IL3RA: variants seen among roughly 807,000 people sequenced by gnomAD.
The protein encoded by IL3RA is interleukin-3 receptor subunit alpha.
A neutral mutation model predicts 52.3 loss-of-function variants in IL3RA; 73 were observed. The observed-to-expected ratio is 1.40, with a 90% CI of 1.16 to 1.70. The LOEUF (loss-of-function observed/expected upper bound fraction) is 1.70. Among genes scored for constraint, IL3RA ranks in the 40% most tolerant of loss-of-function variants. IL3RA has a pLI of 0.00. For synonymous variants in IL3RA, 260 were observed against 194.0 expected (o/e 1.34, Z -2.83); for missense variants, 664 against 504.4 (o/e 1.32, Z -3.03).
chrX:1,367,487 G>C (rs1385483655), intron 9 of IL3RA, among the ~76,000 whole-genome samples: 5 of 78,486 alleles, frequency 6.4e-5, no homozygotes, highest in Non-Finnish European at 9.5e-5. Context: ...GGGTGCGCGG[G>C]GTGAGCCGGG....
At chrX:1,338,407 TGG>T (rs1387404097) in intron 1 of IL3RA, among the ~76,000 whole-genome samples, 4 of 151,722 alleles carry the variant, frequency 2.6e-5, no homozygotes. Flanking sequence ...AGCCACACGG[TGG>T]AATATTACAC....
At position 1,381,057 on chromosome X, in the gene IL3RA, C is replaced by T. The variant is rs1427971576; in HGVS notation, c.1015C>T (p.Pro339Ser). Reference sequence around the variant, plus strand: ...GATGCAGAGACTCTTTCCCCGCATCCCTCACATGAAAGACCCCATCGGTGA... The same window carrying T: ...GATGCAGAGACTCTTTCCCCGCATCTCTCACATGAAAGACCCCATCGGTGA... ...LVMQRLFPRI[P>S]HMKDPIGDSF... is the part of the protein sequence containing the mutation. Residue 339 changes from proline (P) to serine (S), a missense_variant, in exon 11 of 12, where the codon CCT becomes TCT. Pro to Ser is a moderately conservative substitution (Grantham distance 74). Transcript: ENST00000331035. The T allele has an allele frequency of 2.5e-6, 4 of 1,613,756 alleles. No homozygotes were observed. The highest frequency in any genetic ancestry group is 1.3e-5 in the African/African-American group (1 of 74,912).
intron 3 of IL3RA, 117 bp downstream of exon 3, chrX:1,345,551 C>G: frequency 1.7e-6 from 1 of 588,204 alleles, no homozygotes; most frequent in Non-Finnish European, 2.6e-6. Flanking sequence ...CTGCGGTGAC[C>G]CGATCTCCGC....
At chrX:1,352,602 C>CTGCGTTGGG in intron 6 of IL3RA, 96 bp downstream of exon 6, 3 of 1,268,378 alleles carry the variant, frequency 2.4e-6, no homozygotes, top group Non-Finnish European at 3.3e-6. Context: ...GCTCCCAACG[C>CTGCGTTGGG]AGACGTTGGC....
At chrX:1,379,092 C>T (rs2088997807) in intron 10 of IL3RA, among the ~76,000 whole-genome samples, 1 of 152,172 alleles carries the variant, frequency 6.6e-6, no homozygotes, top group Non-Finnish European at 1.5e-5. Flanking sequence ...ATCCACCTGC[C>T]TCAGCCTCCT....
intron 8 of IL3RA, among the ~76,000 whole-genome samples, chrX:1,359,727 T>C (rs371106075): frequency 5.0e-4 from 74 of 148,916 alleles, no homozygotes; most frequent in South Asian, 1.7e-3. Flanking sequence ...TGTCTCTCTC[T>C]CCCCGTTCCC....
chrX:1,378,620 C>T lies in IL3RA; in HGVS notation c.875-39C>T, dbSNP rs200875651. The T allele has an allele frequency of 3.8e-3, 5,987 of 1,555,214 alleles. 52 individuals carry two copies. Among genetic ancestry groups the T allele is most frequent in the South Asian group, 0.019 (1,678 of 88,520 alleles). On this transcript the variant is annotated intron_variant, in intron 9 of 11. Transcript: ENST00000331035. ...CTTACAGTCCCTGGTCCCCCCAGGA[C>T]GGCCCCCGGTCTGTGACCCTCTCAC...
rs1479774334 is a variant in IL3RA at position 1,358,791 on chromosome X, TGAGTTTGGG to T, written c.733-69_733-61del. 3.2e-6 allele frequency: 5 copies of T among 1,574,824 alleles called. No individual in the cohort carries two copies. In the African/African-American group the frequency reaches 5.4e-5, roughly 17 times the overall value. On this transcript the variant is annotated intron_variant, in intron 7 of 11. Coordinates refer to ENST00000331035, the MANE Select transcript of IL3RA (RefSeq NM_002183.4). ...GCTGGTTTTCCTGGAGGGAGAAATT[TGAGTTTGGG>T]AGGAGGAGGCTTTCAGGGACGGTCC...
In IL3RA at chrX:1,348,644, C is replaced by CTTTCTTTCTTTCTT. The variant is rs1355205373; in HGVS notation, c.298+100_298+101insTTCTTTCTTTCTTT. ...GCTGTGTCTTTTTTCTTTTCTTTTTCTCTTTCTTTCTTTCTTTCTTTCTTT... is the reference window on the plus strand; with the variant it reads ...GCTGTGTCTTTTTTCTTTTCTTTTTCTTTCTTTCTTTCTTTCTTTCTTTCTTTCTTTCTTTCTTT... On this transcript the variant is annotated intron_variant, in intron 4 of 11. Transcript: ENST00000331035. The CTTTCTTTCTTTCTT allele has an allele frequency of 6.8e-5, 34 of 496,828 alleles. 1 individual carries two copies. Among genetic ancestry groups the CTTTCTTTCTTTCTT allele is most frequent in the Middle Eastern group, 4.3e-4 (1 of 2,314 alleles). The allele number at this position is 496,828 out of a possible 1,614,324, so 30.8% of individuals were successfully genotyped here.
intron 8 of IL3RA, among the ~76,000 whole-genome samples, chrX:1,364,091 G>C (rs1429089110): frequency 6.6e-6 from 1 of 152,108 alleles, no homozygotes; most frequent in South Asian, 2.1e-4. Context: ...GGGAGGCTGA[G>C]GCAGGAGAAT....
chrX:1,347,592 C>G (rs1432457183), intron 3 of IL3RA, among the ~76,000 whole-genome samples: 2 of 151,210 alleles, frequency 1.3e-5, no homozygotes, highest in Non-Finnish European at 2.9e-5. Context: ...GAAGTCTAGC[C>G]TGGGCAAGCG....
At chrX:1,368,600 T>C (rs758917948) in intron 9 of IL3RA, among the ~76,000 whole-genome samples, 5 of 152,060 alleles carry the variant, frequency 3.3e-5, no homozygotes, top group African/African-American at 4.8e-5. Flanking sequence ...AAAGAGGCGA[T>C]TAAGGTAAAA....
At chrX:1,363,600 C>T (rs1450500146) in intron 8 of IL3RA, among the ~76,000 whole-genome samples, 1 of 151,288 alleles carries the variant, frequency 6.6e-6, no homozygotes. Flanking sequence ...GCTATTTCAT[C>T]ATAAGGCCCC....
At chrX:1,378,488 C>A (rs1167829422) in intron 9 of IL3RA, among the ~76,000 whole-genome samples, 171 bp from the exon 10 acceptor site, 1 of 151,890 alleles carries the variant, frequency 6.6e-6, no homozygotes, top group Non-Finnish European at 1.5e-5. Context: ...TGCAGGTGGC[C>A]CGCAGGTGGT....
At chrX:1,347,955 T>G (rs1453323069) in intron 3 of IL3RA, among the ~76,000 whole-genome samples, 3 of 148,456 alleles carry the variant, frequency 2.0e-5, no homozygotes, top group African/African-American at 7.5e-5. Context: ...GAGAATGGCA[T>G]GAACCCGGGA....
chrX:1,361,854 G>T (rs1467190365), intron 8 of IL3RA, among the ~76,000 whole-genome samples: 1 of 149,374 alleles, frequency 6.7e-6, no homozygotes, highest in Non-Finnish European at 1.5e-5. Flanking sequence ...AGAACAGTGT[G>T]GGGGGAAACT....
chrX:1,362,937 G>A (rs1355912574), intron 8 of IL3RA, among the ~76,000 whole-genome samples: 2 of 151,918 alleles, frequency 1.3e-5, no homozygotes, highest in African/African-American at 4.8e-5. Flanking sequence ...CACCACGCCT[G>A]GCTAATTTTT....
rs777894769 is a variant in IL3RA at position 1,356,105 on chromosome X, G to A, written c.617-116G>A. On this transcript the variant is annotated intron_variant, in intron 6 of 11. Transcript: ENST00000331035. The stretch of plus-strand genomic sequence containing the variant: ...TTCCTTCCTGGTGTTTTTCTCTCCC[G>A]CTCTCCAAATGCATAGGAGAAGTAA... The A allele has an allele frequency of 1.9e-5, 13 of 696,092 alleles. No individual in the cohort carries two copies. In the Middle Eastern group the frequency reaches 1.0e-3, roughly 55 times the overall value. 43.1% of individuals were successfully genotyped at this position (696,092 alleles called of 1,614,324 possible). A position where few individuals can be genotyped will look rare whatever the true frequency, so the allele number is the denominator to read the frequency against.
At chrX:1,379,921 T>C (rs768665652) in intron 10 of IL3RA, among the ~76,000 whole-genome samples, 81 of 152,272 alleles carry the variant, frequency 5.3e-4, no homozygotes, top group African/African-American at 1.9e-3. Flanking sequence ...CCACCACGCC[T>C]GGCTAATTTT....
Sources: allele counts gnomAD v4.1 joint callset (sites outside exome capture counted in the v4.1 genomes callset), GRCh38; gene constraint gnomAD v4.1.1; transcripts MANE v1.5; gene names NCBI Gene and HGNC (gene_info 2026-07-23, HGNC 2026-07-21).